PRKDC: variants seen among roughly 807,000 people sequenced by gnomAD.
PRKDC encodes DNA-dependent protein kinase catalytic subunit.
A neutral mutation model predicts 486.9 loss-of-function variants in PRKDC; 82 were observed. That is an observed-to-expected ratio of 0.17 (90% CI 0.14 to 0.20). PRKDC has a LOEUF of 0.20. Among genes scored for constraint, PRKDC ranks in the 10% least tolerant of loss-of-function variants. The probability of loss-of-function intolerance (pLI) is 1.00; values close to 1 mark genes in which losing one functional copy is unlikely to be tolerated. For synonymous variants in PRKDC, 1,895 were observed against 1,837.0 expected (o/e 1.03, Z -0.81); for missense variants, 4,504 against 5,038.2 (o/e 0.89, Z 3.21).
chr8:47,781,078 G>C (rs530577665), intron 80 of PRKDC, among the ~76,000 whole-genome samples: 2 of 152,282 alleles, frequency 1.3e-5, no homozygotes, highest in African/African-American at 4.8e-5. Flanking sequence ...CAACTCTCCT[G>C]GTACCTATGT....
rs2154497504 is a variant in PRKDC at position 47,782,173 on chromosome 8, C to T, written c.11478G>A (p.Ala3826=). Residue 3826 remains alanine (A), a synonymous_variant, in exon 80 of 86, where the codon GCG becomes GCA. Coordinates refer to ENST00000314191, the MANE Select transcript of PRKDC (RefSeq NM_006904.7). The surrounding 1 kb of genome is among the most constrained non-coding windows in gnomAD (Gnocchi z 4.9). ...LLNTMSQEEK[A]AYLSDPRAPP... ...GTGGCCGCCCTTACCTCAGGTAAGCCGCCTTCTCCTCTTGGGACATGGTGT... is the reference window on the plus strand; with the variant it reads ...GTGGCCGCCCTTACCTCAGGTAAGCTGCCTTCTCCTCTTGGGACATGGTGT... 5 of 1,613,792 alleles carry T rather than the reference C, an allele frequency of 3.1e-6. No homozygotes were observed. The highest frequency in any genetic ancestry group is 1.1e-5 in the South Asian group (1 of 91,080).
chr8:47,944,585 T>C (rs954571710), intron 7 of PRKDC, among the ~76,000 whole-genome samples: 1 of 151,716 alleles, frequency 6.6e-6, no homozygotes, highest in Non-Finnish European at 1.5e-5. Flanking sequence ...AGCATACTTA[T>C]TAACTAAAAG....
chr8:47,790,900 C>T (rs1004681784), intron 74 of PRKDC, among the ~76,000 whole-genome samples: 1 of 152,144 alleles, frequency 6.6e-6, no homozygotes, highest in African/African-American at 2.4e-5. Flanking sequence ...TCACCACATA[C>T]AAAAATCAAA....
At position 47,915,401 on chromosome 8, in the gene PRKDC, T is replaced by A; in HGVS notation, c.2544A>T (p.Leu848Phe). 1 of 1,551,612 alleles carries A rather than the reference T, an allele frequency of 6.4e-7. No individual in the cohort carries two copies. The highest frequency in any genetic ancestry group is 2.3e-5 in the East Asian group (1 of 43,334). ...GTACTACTCTAATTCTTATTTCTTC[T>A]AAGGATATTGCTTCGTTCTGTAAAT... Reference protein sequence around the residue: ...KNLSSNEAISLEEIRIRVVQM... With the variant: ...KNLSSNEAISFEEIRIRVVQM... The change falls in exon 23 of 86, where the codon TTA (leucine) becomes TTT (phenylalanine). Residue 848 changes from leucine to phenylalanine, a missense_variant. Leu to Phe is a conservative substitution (Grantham distance 22). This residue lies in a region of PRKDC where 1,969 missense variants were observed against 2,068.9 expected (regional missense o/e 0.95). Transcript: ENST00000314191.
intron 25 of PRKDC, among the ~76,000 whole-genome samples, chr8:47,911,247 T>C (rs2089897489): frequency 6.6e-6 from 1 of 152,226 alleles, no homozygotes; most frequent in Admixed American, 6.5e-5. Context: ...ATGCAGAGTT[T>C]AACTAACTCC....
Position 47,785,332 on chromosome 8 carries a change from A to G in PRKDC, c.10903-15T>C, listed in dbSNP as rs1470982961. 1 of 1,536,726 alleles carries G rather than the reference A, an allele frequency of 6.5e-7. No individual in the cohort carries two copies. On this transcript the variant is annotated splice_polypyrimidine_tract_variant and intron_variant, in intron 76 of 85. Transcript: ENST00000314191. Reference sequence around the variant, plus strand: ...TTTCCAAAAGTCTGAAATTAGTAAGAATTTACTATAAAGACTGATGTTTAG... The same window carrying G: ...TTTCCAAAAGTCTGAAATTAGTAAGGATTTACTATAAAGACTGATGTTTAG...
In PRKDC at chr8:47,908,184, C is replaced by T. The variant is rs149256755; in HGVS notation, c.2935-3208G>A. Among the ~76,000 whole-genome samples the T allele has an allele frequency of 1.2e-3, 185 of 152,340 alleles. 1 individual carries two copies. In the East Asian group the frequency reaches 0.027, roughly 22 times the overall value. On this transcript the variant is annotated intron_variant, in intron 25 of 85. Transcript: ENST00000314191. ...TCCTTTCCTTGTGCCCTTGGCAACA[C>T]CAAACATTGTTCATCTTTTAAATAT...
intron 38 of PRKDC, 120 bp downstream of exon 38, chr8:47,881,296 G>A: frequency 1.5e-6 from 1 of 645,388 alleles, no homozygotes; most frequent in South Asian, 2.0e-5. Context: ...TACTGTGCTA[G>A]TCTCCCTACA....
chr8:47,801,103 G>A lies in PRKDC; in HGVS notation c.9923-117C>T, dbSNP rs989813753. ...TCTTTTGTTTTTGGGATAGGGTCTC[G>A]CTCTGTTACCCAGGCTGGAGTGCAA... On this transcript the variant is annotated intron_variant, in intron 70 of 85. Coordinates refer to ENST00000314191, the MANE Select transcript of PRKDC (RefSeq NM_006904.7). The A allele has an allele frequency of 1.6e-4, 164 of 1,014,966 alleles. 1 individual carries two copies. In the African/African-American group the frequency reaches 2.4e-3, roughly 15 times the overall value. 62.9% of individuals were successfully genotyped at this position (1,014,966 alleles called of 1,614,324 possible).
At chr8:47,826,024 A>G (rs976625747) in intron 63 of PRKDC, among the ~76,000 whole-genome samples, 2 of 152,232 alleles carry the variant, frequency 1.3e-5, no homozygotes, top group African/African-American at 2.4e-5. Context: ...AAACAGCACG[A>G]AGCACAAGGA....
intron 59 of PRKDC, 144 bp downstream of exon 59, chr8:47,834,052 G>A (rs2087949567): frequency 5.9e-6 from 6 of 1,023,014 alleles, no homozygotes; most frequent in Non-Finnish European, 8.8e-6. Context: ...CATGGTGAGT[G>A]CCTAGGCAAC....
chr8:47,944,819 G>C (rs1057052083), intron 7 of PRKDC, among the ~76,000 whole-genome samples: 3 of 152,180 alleles, frequency 2.0e-5, no homozygotes, highest in Admixed American at 1.3e-4. Flanking sequence ...TTGAGACAGA[G>C]CCCTGATGAT....
At position 47,828,206 on chromosome 8, in the gene PRKDC, T is replaced by C. The variant is rs748507687; in HGVS notation, c.8539A>G (p.Thr2847Ala). ...LQDFNRFLNT[T>A]FSFFPPFVSC... ...ACAAAGGGTGGAAAGAAAGAGAAGG[T>C]GGTATTAAGAAAACGATTGAAGTCT... Residue 2847 changes from threonine (T) to alanine (A), a missense_variant, in exon 62 of 86, where the codon ACC (threonine) becomes GCC (alanine). Physicochemically the swap from Thr to Ala is moderately conservative, Grantham distance 58. Around this residue, in one of 6 missense-constraint regions of PRKDC, gnomAD observed 1,592 missense variants for 1,724.6 expected, o/e 0.92. Coordinates refer to ENST00000314191, the MANE Select transcript of PRKDC (RefSeq NM_006904.7). 1.2e-5 allele frequency: 19 copies of C among 1,613,636 alleles called. No homozygotes were observed. In the Admixed American group the frequency reaches 2.2e-4, roughly 18 times the overall value.
intron 26 of PRKDC, among the ~76,000 whole-genome samples, chr8:47,904,379 T>C (rs570348514): frequency 9.8e-5 from 15 of 152,312 alleles, no homozygotes; most frequent in African/African-American, 3.4e-4. Flanking sequence ...CTAAGCCACC[T>C]GGCGAGCTGG....
chr8:47,912,318 T>A, intron 25 of PRKDC, 92 bp downstream of exon 25: 13 of 1,346,440 alleles, frequency 9.7e-6, no homozygotes, highest in East Asian at 2.6e-5. Context: ...TTCCTAACCA[T>A]CTCCAGGTAA....
chr8:47,950,007 A>G (rs897696369), intron 7 of PRKDC, among the ~76,000 whole-genome samples: 8 of 152,218 alleles, frequency 5.3e-5, no homozygotes, highest in African/African-American at 1.9e-4. Context: ...GTGGTGGCTC[A>G]TGCCTTGTAA....
intron 7 of PRKDC, among the ~76,000 whole-genome samples, chr8:47,947,538 C>T (rs1455911829): frequency 6.6e-6 from 1 of 152,146 alleles, no homozygotes; most frequent in Non-Finnish European, 1.5e-5. Context: ...GAGGGTAAGG[C>T]GGGTGGATTG....
intron 20 of PRKDC, 70 bp downstream of exon 20, chr8:47,927,694 CAAGAGGA>C: frequency 7.1e-7 from 1 of 1,405,014 alleles, no homozygotes; most frequent in Middle Eastern, 1.8e-4. Context: ...ACTGCCAGGG[CAAGAGGA>C]TGGTGTTTCT....
intron 68 of PRKDC, among the ~76,000 whole-genome samples, chr8:47,807,841 G>A (rs1194598312): frequency 6.6e-6 from 1 of 151,736 alleles, no homozygotes; most frequent in Admixed American, 6.6e-5. Flanking sequence ...TCAGCCTCCT[G>A]AGTAGCTGGG....
Sources: allele counts gnomAD v4.1 joint callset (sites outside exome capture counted in the v4.1 genomes callset), GRCh38; gene constraint gnomAD v4.1.1; regional missense constraint gnomAD v4.1.1; non-coding constraint Gnocchi (gnomAD v3.1); transcripts MANE v1.5; gene names NCBI Gene and HGNC (gene_info 2026-07-23, HGNC 2026-07-21).